The following CNBD1 variants were observed in gnomAD, a reference collection of about 807,000 sequenced individuals.
CNBD1 encodes the protein cyclic nucleotide-binding domain-containing protein 1.
A neutral mutation model predicts 54.4 loss-of-function variants in CNBD1; 71 were observed. The ratio of observed to expected loss-of-function variants is 1.30; its 90% confidence interval spans 1.08 to 1.59. CNBD1 has a LOEUF of 1.59. CNBD1 is among the 40% of genes most tolerant of loss of function. The pLI, the probability that CNBD1 is intolerant of heterozygous loss-of-function variation, is 0.00. For synonymous variants in CNBD1, 182 were observed against 170.7 expected, an observed-to-expected ratio of 1.07 and a Z score of -0.51; for missense variants, 659 against 518.0, an observed-to-expected ratio of 1.27 and a Z score of -2.64.
chr8:87,377,817 G>C (rs1453896962), intron 10 of CNBD1, among the ~76,000 whole-genome samples: 1 of 149,662 alleles, frequency 6.7e-6, no homozygotes, highest in Non-Finnish European at 1.5e-5. Flanking sequence ...AGCACCTGTT[G>C]TTTCCTGACT....
chr8:86,899,092 ACAT>A (rs1808892484), intron 2 of CNBD1, among the ~76,000 whole-genome samples: 1 of 149,964 alleles, frequency 6.7e-6, no homozygotes, highest in South Asian at 2.1e-4. Context: ...GTAAAATACT[ACAT>A]CATCCCACTT....
intron 4 of CNBD1, among the ~76,000 whole-genome samples, chr8:87,188,898 T>C (rs888278906): frequency 6.6e-6 from 1 of 150,492 alleles, no homozygotes; most frequent in Non-Finnish European, 1.5e-5. Context: ...GAACCTGACA[T>C]GTAGTTATTG....
intron 4 of CNBD1, among the ~76,000 whole-genome samples, chr8:87,184,161 G>T (rs1813425393): frequency 6.6e-6 from 1 of 152,202 alleles, no homozygotes; most frequent in Admixed American, 6.5e-5. Flanking sequence ...GCTGCAGGCA[G>T]GTTTGTGCCA....
At chr8:87,105,115 G>A (rs991917087) in intron 4 of CNBD1, among the ~76,000 whole-genome samples, 2 of 152,082 alleles carry the variant, frequency 1.3e-5, no homozygotes, top group African/African-American at 4.8e-5. Context: ...AAATACTTTT[G>A]ATGAGGAGAT....
chr8:87,077,007 A>G (rs531173310), intron 4 of CNBD1, among the ~76,000 whole-genome samples: 28 of 152,362 alleles, frequency 1.8e-4, no homozygotes, highest in African/African-American at 6.5e-4. Flanking sequence ...TGTTGAAAAT[A>G]TCACCAAAAT....
intron 4 of CNBD1, among the ~76,000 whole-genome samples, chr8:87,145,698 T>G (rs981822408): frequency 4.6e-5 from 7 of 152,162 alleles, no homozygotes; most frequent in African/African-American, 7.2e-5. Context: ...CTTCTTGACT[T>G]TAAATGTGTT....
At chr8:86,952,690 T>C (rs886118362) in intron 4 of CNBD1, among the ~76,000 whole-genome samples, 1 of 152,110 alleles carries the variant, frequency 6.6e-6, no homozygotes, top group Non-Finnish European at 1.5e-5. Context: ...TGCAGTTTGA[T>C]AACTTTTGAT....
chr8:87,352,698 T>G (rs1417004553), intron 9 of CNBD1, among the ~76,000 whole-genome samples: 1 of 152,120 alleles, frequency 6.6e-6, no homozygotes, highest in Non-Finnish European at 1.5e-5. Flanking sequence ...TATAATTCCA[T>G]TTTTATGAAG....
chr8:87,136,424 C>T (rs1406716263), intron 4 of CNBD1, among the ~76,000 whole-genome samples: 1 of 146,862 alleles, frequency 6.8e-6, no homozygotes, highest in Non-Finnish European at 1.5e-5. Flanking sequence ...AATTTATAGG[C>T]TTAGAAAGCT....
intron 2 of CNBD1, among the ~76,000 whole-genome samples, chr8:87,407,882 T>C (rs536077381): frequency 6.6e-6 from 1 of 152,150 alleles, no homozygotes; most frequent in African/African-American, 2.4e-5. Flanking sequence ...ATTATTTATA[T>C]ACATGAGTTA....
intron 10 of CNBD1, among the ~76,000 whole-genome samples, chr8:87,362,875 C>CT (rs201791905): frequency 9.9e-5 from 15 of 151,408 alleles, no homozygotes; most frequent in African/African-American, 3.1e-4. Flanking sequence ...CATATTCTAA[C>CT]TTTTTTTTTG....
chr8:86,939,661 T>C lies in CNBD1; in HGVS notation c.338T>C (p.Val113Ala), dbSNP rs886857039. 6 of 1,604,232 alleles carry C rather than the reference T, an allele frequency of 3.7e-6. No homozygotes were observed. The highest frequency in any genetic ancestry group is 5.1e-6 in the Non-Finnish European group (6 of 1,173,936). Residue 113 changes from valine to alanine, a missense_variant, in exon 4 of 11, where the codon GTC (valine) becomes GCC (alanine). Coordinates refer to ENST00000518476, the MANE Select transcript of CNBD1 (RefSeq NM_173538.3). ...QQPDDSNNIA[V>A]HVQRAHGGHI... ...CCTGATGATTCTAACAATATAGCTG[T>C]CCATGTTCAGAGAGCACATGGTGGC... is the stretch of plus-strand genomic sequence containing the variant.
At chr8:87,161,377 C>T (rs149145788) in intron 4 of CNBD1, among the ~76,000 whole-genome samples, 7 of 152,206 alleles carry the variant, frequency 4.6e-5, no homozygotes, top group South Asian at 2.1e-4. Context: ...GCACAGCTAA[C>T]GCTTGCAGAT....
chr8:87,385,625 G>C (rs1208824893), downstream of CNBD1, among the ~76,000 whole-genome samples: 1 of 152,120 alleles, frequency 6.6e-6, no homozygotes, highest in African/African-American at 2.4e-5. Context: ...CTGGGAAGCT[G>C]GAACTGGGTG....
At chr8:87,207,582 T>G (rs1435008733) in intron 5 of CNBD1, among the ~76,000 whole-genome samples, 1 of 151,966 alleles carries the variant, frequency 6.6e-6, no homozygotes. Flanking sequence ...AATTGAGGGG[T>G]GATAAAGGGC....
At chr8:87,059,683 C>T (rs562339986) in intron 4 of CNBD1, among the ~76,000 whole-genome samples, 41 of 152,338 alleles carry the variant, frequency 2.7e-4, no homozygotes, top group African/African-American at 8.9e-4. Flanking sequence ...ATGGAGATAG[C>T]CACTCCCATG....
intron 10 of CNBD1, among the ~76,000 whole-genome samples, chr8:87,354,035 G>T (rs1417021715): frequency 6.6e-6 from 1 of 152,066 alleles, no homozygotes; most frequent in Non-Finnish European, 1.5e-5. Context: ...AGGACTTGAT[G>T]CCGAGGTTTG....
chr8:86,962,022 A>T (rs1807941293), intron 4 of CNBD1, among the ~76,000 whole-genome samples: 1 of 152,188 alleles, frequency 6.6e-6, no homozygotes, highest in Non-Finnish European at 1.5e-5. Flanking sequence ...ATGGCCTAAT[A>T]AGTAGGAATA....
At chr8:87,405,345 T>G (rs1807634704) in intron 2 of CNBD1, among the ~76,000 whole-genome samples, 1 of 152,104 alleles carries the variant, frequency 6.6e-6, no homozygotes, top group South Asian at 2.1e-4. Flanking sequence ...GTAAAGTATT[T>G]GGCAAATAGT....
Sources: gnomAD v4.1 joint callset for allele counts (sites outside exome capture counted in the v4.1 genomes callset) on GRCh38, gnomAD v4.1.1 for gene constraint, MANE v1.5 for transcripts, NCBI Gene and HGNC (gene_info 2026-07-23, HGNC 2026-07-21) for gene names.